Variants in LZTS2 observed in about 807,000 individuals in gnomAD.
LZTS2 encodes the protein leucine zipper putative tumor suppressor 2.
In LZTS2, 32 loss-of-function variants were observed where a neutral mutation model predicts 60.6. The observed-to-expected ratio is 0.53, with a 90% confidence interval of 0.40 to 0.71. The LOEUF (loss-of-function observed/expected upper bound fraction) is 0.71. Ranked by LOEUF, LZTS2 falls within the 30% of genes least tolerant of loss-of-function variation. LZTS2 has a pLI of 0.00. For synonymous variants in LZTS2, 360 were observed against 393.1 expected, an observed-to-expected ratio of 0.92 and a Z score of 1.00; for missense variants, 792 against 901.9, an observed-to-expected ratio of 0.88 and a Z score of 1.56.
In LZTS2 at chr10:101,002,825, G is replaced by A. The variant is rs1852071994; in HGVS notation, c.287G>A (p.Arg96Gln). The A allele has an allele frequency of 9.3e-6, 15 of 1,613,730 alleles. No homozygotes were observed. The highest frequency in any genetic ancestry group is 3.3e-5 in the Admixed American group (2 of 60,004). Reference sequence around the variant, plus strand: ...TTCACCTACATCAATGAGGACTTCCGGACAGAGTCACCCCCCAGCCCAAGC... The same window carrying A: ...TTCACCTACATCAATGAGGACTTCCAGACAGAGTCACCCCCCAGCCCAAGC... Residue 96 changes from arginine (R) to glutamine (Q), a missense_variant, in exon 1 of 4, where the codon CGG becomes CAG. By Grantham distance (43) the Arg-to-Gln change is conservative. Coordinates refer to ENST00000370220, the Ensembl canonical transcript of LZTS2.
Position 101,005,626 on chromosome 10 carries a change from C to T in LZTS2, c.1237C>T (p.Gln413Ter), listed in dbSNP as rs1275828495. 6.2e-7 allele frequency: 1 copy of T among 1,611,050 alleles called. No individual in the cohort carries two copies. The highest frequency in any genetic ancestry group is 8.5e-7 in the Non-Finnish European group (1 of 1,179,094). ...GCAGGACGACTTCGCACAGCTGCTG[C>T]AGGAGCGCGAACAGCTGGAGCGGCG... The change falls in exon 3 of 4, where the codon CAG becomes TAG. Residue 413 changes from glutamine (Q) to a stop codon, truncating the protein, a stop_gained. Transcript: ENST00000370220. LOFTEE classifies it high-confidence loss of function.
chr10:101,000,673 G>A (rs541392581), exon 1 of LZTS2: 1 of 152,534 alleles, frequency 6.6e-6, no homozygotes, highest in East Asian at 1.9e-4. Flanking sequence ...ATGCAACAGA[G>A]GTGCCAGCCC....
chr10:101,007,061 C>T, exon 4 of LZTS2: 1 of 1,604,968 alleles, frequency 6.2e-7, no homozygotes, highest in Non-Finnish European at 8.5e-7. Flanking sequence ...AGAGCAGGAG[C>T]TGCAGCAGCT....
At chr10:101,006,169 A>C (rs893073995) in intron 3 of LZTS2, among the ~76,000 whole-genome samples, 4 of 152,104 alleles carry the variant, frequency 2.6e-5, no homozygotes, top group African/African-American at 9.6e-5. Flanking sequence ...ACTGCCCTCC[A>C]TTGTCCCCAC....
At position 101,004,233 on chromosome 10, in the gene LZTS2, G is replaced by A. The variant is rs535722251; in HGVS notation, c.1068+67G>A. On this transcript the variant is annotated intron_variant, in intron 2 of 3. Transcript: ENST00000370220. Reference sequence around the variant, plus strand: ...ATCCCAAGGCCCTGGGATGCAAGCGGCATTTCCATTTTGGCAGGGAACGGG... The same window carrying A: ...ATCCCAAGGCCCTGGGATGCAAGCGACATTTCCATTTTGGCAGGGAACGGG... 280 of 1,507,234 alleles carry A rather than the reference G, an allele frequency of 1.9e-4. 4 individuals carry two copies. In the East Asian group the frequency reaches 4.5e-3, roughly 24 times the overall value. The allele number at this position is 1,507,234 out of a possible 1,614,324, so 93.4% of individuals were successfully genotyped here. A position where few individuals can be genotyped will look rare whatever the true frequency, so the allele number is the denominator to read the frequency against.
exon 1 of LZTS2, chr10:101,002,201 A>C (rs550719457): frequency 4.5e-6 from 1 of 220,374 alleles, no homozygotes; most frequent in East Asian, 9.3e-5. Flanking sequence ...TGGAGGATGC[A>C]GGATTGGGCT....
Position 101,006,175 on chromosome 10 carries a change from C to T in LZTS2, c.1327-310C>T, listed in dbSNP as rs1011877092. ...CACCTGGGCACTGCCCTCCATTGTC[C>T]CCACTCCTGCAGCACTTGCCAGGAC... On this transcript the variant is annotated intron_variant, in intron 3 of 3. Transcript: ENST00000370220. 6.6e-5 allele frequency among the ~76,000 whole-genome samples: 10 copies of T among 152,334 alleles called. 1 individual carries two copies. The South Asian group carries it at 2.1e-3, about 32-fold the overall frequency.
At position 101,006,614 on chromosome 10, in the gene LZTS2, C is replaced by CGGGTCAGTGAGGGCCG; in HGVS notation, c.1457_1472dup (p.Ala492GlyfsTer3). On this transcript the variant is annotated frameshift_variant, in exon 4 of 4. Transcript: ENST00000370220. LOFTEE classifies it high-confidence loss of function. ...GCTGCGGGAGGCCCGTGCTACGCTGCGGGTCAGTGAGGGCCGTGCGCGGGG... is the reference window on the plus strand; with the variant it reads ...GCTGCGGGAGGCCCGTGCTACGCTGCGGGTCAGTGAGGGCCGGGGTCAGTGAGGGCCGTGCGCGGGG... The CGGGTCAGTGAGGGCCG allele has an allele frequency of 6.2e-7, 1 of 1,601,558 alleles. No individual in the cohort carries two copies. The highest frequency in any genetic ancestry group is 8.5e-7 in the Non-Finnish European group (1 of 1,174,760).
At chr10:101,002,672 C>G in exon 1 of LZTS2, 9 of 1,609,274 alleles carry the variant, frequency 5.6e-6, no homozygotes, top group Non-Finnish European at 7.6e-6. Flanking sequence ...CCAGCTCCTC[C>G]CCGCCACCAC....
upstream of LZTS2, among the ~76,000 whole-genome samples, chr10:100,998,014 G>A (rs1851950461): frequency 6.6e-6 from 1 of 152,322 alleles, no homozygotes. Flanking sequence ...GCCCCCGCCT[G>A]TTACCGCCAG....
Position 101,007,518 on chromosome 10 carries a change from C to T in LZTS2, c.*350C>T, listed in dbSNP as rs1202650093. On this transcript the variant is annotated 3_prime_UTR_variant, in exon 4 of 4. Coordinates refer to ENST00000370220, the Ensembl canonical transcript of LZTS2. ...AGAAGAAGGGGCTCCCTCCTCTTCA[C>T]ATTCCCCCCGACCCCAAAGCCAGAG... 5.9e-6 allele frequency: 8 copies of T among 1,352,262 alleles called. No individual in the cohort carries two copies. The African/African-American group carries it at 8.8e-5, about 15-fold the overall frequency. The allele number at this position is 1,352,262 out of a possible 1,614,324, so 83.8% of individuals were successfully genotyped here.
At chr10:100,997,069 C>T (rs985592318), upstream of LZTS2, 18 of 152,654 alleles carry the variant, frequency 1.2e-4, no homozygotes, top group African/African-American at 4.3e-4. Flanking sequence ...CCGCCCCGCT[C>T]CACCAGGTCG....
upstream of LZTS2, chr10:100,998,949 G>C (rs1851968435): frequency 6.6e-6 from 1 of 152,436 alleles, no homozygotes; most frequent in African/African-American, 2.4e-5. Context: ...AAGGTCTTGT[G>C]GGTGTTAGGG....
chr10:100,999,843 G>T (rs1167312574), exon 1 of LZTS2: 5 of 148,052 alleles, frequency 3.4e-5, no homozygotes, highest in Non-Finnish European at 7.5e-5. Flanking sequence ...GGCGGCGCGC[G>T]GGCCAGGGCC....
intron 2 of LZTS2, among the ~76,000 whole-genome samples, chr10:101,004,565 T>G (rs1852128188): frequency 6.6e-6 from 1 of 152,160 alleles, no homozygotes; most frequent in Non-Finnish European, 1.5e-5. Flanking sequence ...ATTCCACCAT[T>G]GCACTCCAGC....
chr10:101,007,043 C>G lies in LZTS2; in HGVS notation c.1885C>G (p.Arg629Gly), dbSNP rs756829278. 5 of 1,596,668 alleles carry G rather than the reference C, an allele frequency of 3.1e-6. No individual in the cohort carries two copies. The African/African-American group carries it at 6.7e-5, about 21-fold the overall frequency. ...CTACATCCAGATGTACCGGCGCAACCGGCAGCTAGAGCAGGAGCTGCAGCA... is the reference window on the plus strand; with the variant it reads ...CTACATCCAGATGTACCGGCGCAACGGGCAGCTAGAGCAGGAGCTGCAGCA... The change falls in exon 4 of 4, where the codon CGG becomes GGG. Residue 629 changes from arginine (R) to glycine (G), a missense_variant. Physicochemically the swap from Arg to Gly is moderately radical, Grantham distance 125 (BLOSUM62 -2). Coordinates refer to ENST00000370220, the Ensembl canonical transcript of LZTS2.
chr10:101,005,772 AAG>A, intron 3 of LZTS2, 57 bp downstream of exon 4: 1 of 1,452,648 alleles, frequency 6.9e-7, no homozygotes, highest in South Asian at 1.4e-5. Context: ...ACCCTGGAAA[AAG>A]GGGCCCAGCC....
chr10:100,999,232 T>TG (rs201699866), upstream of LZTS2, among the ~76,000 whole-genome samples: 144 of 152,168 alleles, frequency 9.5e-4, 2 homozygotes, highest in East Asian at 0.027. Context: ...GGCCCGCGTG[T>TG]TGGGGGCGGC....
chr10:101,005,249 ACCT>A (rs1171057398), intron 2 of LZTS2, among the ~76,000 whole-genome samples: 1 of 150,908 alleles, frequency 6.6e-6, no homozygotes, highest in African/African-American at 2.4e-5. Flanking sequence ...TGATCCACCC[ACCT>A]CGCGTGAGCC....
Sources: gnomAD v4.1 joint callset for allele counts (sites outside exome capture counted in the v4.1 genomes callset) on GRCh38, gnomAD v4.1.1 for gene constraint, MANE v1.5 for transcripts, NCBI Gene and HGNC (gene_info 2026-07-23, HGNC 2026-07-21) for gene names.